Variants in GTF2IRD2 observed in about 807,000 individuals in gnomAD.
The protein encoded by GTF2IRD2 is GTF2I repeat domain containing 2.
Under a neutral mutation model 49.2 loss-of-function variants are expected in GTF2IRD2, and 8 were observed. The observed-to-expected ratio is 0.16, with a 90% CI of 0.10 to 0.29. GTF2IRD2 has a LOEUF of 0.29. Among genes scored for constraint, GTF2IRD2 ranks in the 10% least tolerant of loss-of-function variants. The pLI is 1.00. For synonymous variants in GTF2IRD2, 47 were observed against 289.7 expected, an observed-to-expected ratio of 0.16 and a Z score of 8.51; for missense variants, 130 against 725.7, an observed-to-expected ratio of 0.18 and a Z score of 9.43.
chr7:74,830,533 C>A (rs1187249324), intron 3 of GTF2IRD2, among the ~76,000 whole-genome samples: 1 of 146,516 alleles, frequency 6.8e-6, no homozygotes, highest in Non-Finnish European at 1.5e-5. Flanking sequence ...GAAAAACCTG[C>A]GGCCATAAAA....
chr7:74,800,079 G>A (rs1212358953), intron 15 of GTF2IRD2, among the ~76,000 whole-genome samples: 1 of 130,500 alleles, frequency 7.7e-6, no homozygotes, highest in African/African-American at 3.0e-5. Flanking sequence ...GTGAGACCTT[G>A]TCTCTAAAAA....
rs1284156215 is a variant in GTF2IRD2 at position 74,797,612 on chromosome 7, T to C, written c.1900A>G (p.Lys634Glu). The change falls in exon 16 of 16, where the codon AAA becomes GAA. Residue 634 changes from lysine (K) to glutamate (E), a missense_variant. Coordinates refer to ENST00000451013, the MANE Select transcript of GTF2IRD2 (RefSeq NM_173537.5). ...MVDANNGLVT[K>E]LKSRVATFCK... ...AACGTCGCCACCCTGGACTTCAGTT[T>C]TGTGACAAGCCCGTTATTGGCATCC... The C allele has an allele frequency of 6.2e-7, 1 of 1,602,788 alleles. No homozygotes were observed. Among genetic ancestry groups the C allele is most frequent in the Non-Finnish European group, 8.5e-7 (1 of 1,176,406 alleles).
chr7:74,811,204 A>G (rs1347907571), intron 9 of GTF2IRD2, among the ~76,000 whole-genome samples: 2 of 150,526 alleles, frequency 1.3e-5, no homozygotes, highest in African/African-American at 4.8e-5. Context: ...CCCCTTCTCT[A>G]CAAAAAAATA....
chr7:74,842,367 T>C (rs1800919432), intron 1 of GTF2IRD2, among the ~76,000 whole-genome samples: 1 of 135,208 alleles, frequency 7.4e-6, no homozygotes, highest in Admixed American at 7.4e-5. Flanking sequence ...GTAGCTAGGA[T>C]TACAGGCGTG....
chr7:74,813,935 C>T (rs1199165075), intron 8 of GTF2IRD2, among the ~76,000 whole-genome samples: 1 of 80,792 alleles, frequency 1.2e-5, no homozygotes, highest in African/African-American at 2.9e-5. Context: ...TCAGTACAAC[C>T]TAATGCCTTT....
chr7:74,825,967 AT>A (rs1799351703), intron 3 of GTF2IRD2, among the ~76,000 whole-genome samples: 1 of 151,600 alleles, frequency 6.6e-6, no homozygotes, highest in African/African-American at 2.4e-5. Flanking sequence ...CGCCCGGCTA[AT>A]TTTTTGTATT....
intron 8 of GTF2IRD2, among the ~76,000 whole-genome samples, chr7:74,814,115 T>TGG (rs1252936135): frequency 4.8e-5 from 2 of 41,588 alleles, no homozygotes; most frequent in African/African-American, 9.4e-5. Flanking sequence ...TGTTGCCCAG[T>TGG]GGAGTGCAGT....
chr7:74,839,287 A>G, intron 1 of GTF2IRD2, among the ~76,000 whole-genome samples: 1 of 44,756 alleles, frequency 2.2e-5, no homozygotes, highest in Non-Finnish European at 3.7e-5. Flanking sequence ...CAGAAAAAGC[A>G]GCCTCAATTG....
intron 1 of GTF2IRD2, among the ~76,000 whole-genome samples, chr7:74,842,511 G>A (rs1554422009): frequency 7.0e-6 from 1 of 143,570 alleles, no homozygotes; most frequent in Non-Finnish European, 1.5e-5. Flanking sequence ...GATTATAGGT[G>A]TGAGGCACTA....
chr7:74,850,482 C>T lies in GTF2IRD2; in HGVS notation c.-6+885G>A, dbSNP rs1417903258. ...GGAAAGAAGCCAGACACACAAAAAA[C>T]TTCTTGGGATGATTCTATCCACACA... On this transcript the variant is annotated intron_variant, in intron 1 of 15. Transcript: ENST00000451013. 4.5e-5 allele frequency among the ~76,000 whole-genome samples: 2 copies of T among 44,838 alleles called. 1 individual carries two copies. Among genetic ancestry groups the T allele is most frequent in the Non-Finnish European group, 8.3e-5 (2 of 23,976 alleles). The allele number at this position is 44,838 out of a possible 152,430, so 29.4% of individuals were successfully genotyped here.
intron 3 of GTF2IRD2, among the ~76,000 whole-genome samples, chr7:74,831,257 A>G (rs1799818873): frequency 6.6e-6 from 1 of 150,874 alleles, no homozygotes; most frequent in African/African-American, 2.4e-5. Context: ...ATATATATAT[A>G]TAATTCCTGT....
rs1360881185 is a variant in GTF2IRD2 at position 74,839,113 on chromosome 7, C to T, written c.-5-2730G>A. On this transcript the variant is annotated intron_variant, in intron 1 of 15. Coordinates refer to ENST00000451013, the MANE Select transcript of GTF2IRD2 (RefSeq NM_173537.5). Reference sequence around the variant, plus strand: ...CTAATTTTTGTATTTTTAGTAGAGACGGGGTCTCACTATGTTGCCCAGACT... The same window carrying T: ...CTAATTTTTGTATTTTTAGTAGAGATGGGGTCTCACTATGTTGCCCAGACT... 7.3e-5 allele frequency among the ~76,000 whole-genome samples: 2 copies of T among 27,570 alleles called. 1 individual carries two copies. The highest frequency in any genetic ancestry group is 1.2e-4 in the Non-Finnish European group (2 of 16,876). The allele number at this position is 27,570 out of a possible 152,430, so 18.1% of individuals were successfully genotyped here. A position where few individuals can be genotyped will look rare whatever the true frequency, so the allele number is the denominator to read the frequency against.
In GTF2IRD2 at chr7:74,831,145, T is replaced by G. The variant is rs587691890; in HGVS notation, c.238+1660A>C. On this transcript the variant is annotated intron_variant, in intron 3 of 15. Coordinates refer to ENST00000451013, the MANE Select transcript of GTF2IRD2 (RefSeq NM_173537.5). Reference sequence around the variant, plus strand: ...TCTTTTTGATAGTGGAGACCTTAATTTGGGATCTCGGAAGTAAATTTGAAT... The same window carrying G: ...TCTTTTTGATAGTGGAGACCTTAATGTGGGATCTCGGAAGTAAATTTGAAT... 6.1e-4 allele frequency among the ~76,000 whole-genome samples: 92 copies of G among 151,322 alleles called. 3 individuals carry two copies. Among genetic ancestry groups the G allele is most frequent in the African/African-American group, 2.1e-3 (88 of 41,406 alleles).
chr7:74,850,573 G>C lies in GTF2IRD2; in HGVS notation c.-6+794C>G, dbSNP rs1459671921. On this transcript the variant is annotated intron_variant, in intron 1 of 15. Transcript: ENST00000451013. ...TGCCAGGGGCTGGGGATAGGGACGG[G>C]GTGGGGACCGGGGAATGACGGCCTA... is the stretch of plus-strand genomic sequence containing the variant. Among the ~76,000 whole-genome samples, 2 of 53,504 alleles carry C rather than the reference G, an allele frequency of 3.7e-5. 1 individual carries two copies. Among genetic ancestry groups the C allele is most frequent in the Non-Finnish European group, 8.0e-5 (2 of 25,114 alleles). 35.1% of individuals were successfully genotyped at this position (53,504 alleles called of 152,430 possible).
At chr7:74,842,542 A>T (rs1554422012) in intron 1 of GTF2IRD2, among the ~76,000 whole-genome samples, 1 of 141,302 alleles carries the variant, frequency 7.1e-6, no homozygotes, top group East Asian at 2.1e-4. Flanking sequence ...TATTTTTTAA[A>T]TTTTTATTTA....
chr7:74,826,743 A>T (rs1799432909), intron 3 of GTF2IRD2, among the ~76,000 whole-genome samples: 2 of 80,154 alleles, frequency 2.5e-5, no homozygotes, highest in Non-Finnish European at 2.2e-5. Flanking sequence ...AGAGAGTCTT[A>T]CTCTGTTGCC....
At chr7:74,806,320 A>AT (rs1172120539) in intron 12 of GTF2IRD2, among the ~76,000 whole-genome samples, 1 of 132,390 alleles carries the variant, frequency 7.6e-6, no homozygotes, top group Admixed American at 8.0e-5. Context: ...ATTATTATTT[A>AT]TTTTTTTGAG....
intron 15 of GTF2IRD2, among the ~76,000 whole-genome samples, chr7:74,798,499 A>G (rs1797202345): frequency 6.6e-6 from 1 of 151,728 alleles, no homozygotes; most frequent in Non-Finnish European, 1.5e-5. Flanking sequence ...GAAAACCTGA[A>G]GACTGAATTT....
At chr7:74,840,762 C>A (rs1416010956) in intron 1 of GTF2IRD2, among the ~76,000 whole-genome samples, 1 of 138,836 alleles carries the variant, frequency 7.2e-6, no homozygotes, top group African/African-American at 3.0e-5. Flanking sequence ...CTGGTCCCCA[C>A]GGGACCACAT....
Sources: allele counts gnomAD v4.1 joint callset (sites outside exome capture counted in the v4.1 genomes callset), GRCh38; gene constraint gnomAD v4.1.1; transcripts MANE v1.5; gene names NCBI Gene and HGNC (gene_info 2026-07-23, HGNC 2026-07-21).